PRH1: variants seen among roughly 807,000 people sequenced by gnomAD.
PRH1 encodes the protein salivary acidic proline-rich phosphoprotein 1/2.
In PRH1, 7 loss-of-function variants were observed where a neutral mutation model predicts 7.9. That is an observed-to-expected ratio of 0.89 (90% CI 0.50 to 1.67). The LOEUF (loss-of-function observed/expected upper bound fraction) is 1.67. PRH1 is among the 40% of genes most tolerant of loss of function. The pLI is 0.00. For synonymous variants in PRH1, 45 were observed against 80.8 expected (o/e 0.56, Z 2.38); for missense variants, 109 against 223.6 (o/e 0.49, Z 3.27).
intron 1 of PRH1, among the ~76,000 whole-genome samples, chr12:10,979,052 A>C (rs1186260355): frequency 6.6e-6 from 1 of 152,168 alleles, no homozygotes; most frequent in Non-Finnish European, 1.5e-5. Flanking sequence ...CTAAACATTA[A>C]ATACATATGG....
chr12:11,160,401 A>G (rs1947378380), intron 1 of PRH1, among the ~76,000 whole-genome samples: 2 of 152,228 alleles, frequency 1.3e-5, no homozygotes, highest in Non-Finnish European at 2.9e-5. Context: ...CAAATGCTTC[A>G]GTGAAGAATT....
intron 1 of PRH1, among the ~76,000 whole-genome samples, chr12:11,072,406 A>T (rs9697262): frequency 0.17 from 26,339 of 150,808 alleles, no homozygotes; most frequent in East Asian, 0.4. Flanking sequence ...GAAATGGACA[A>T]ACATGGCAGC....
chr12:10,930,575 G>C (rs1950191145), intron 2 of PRH1: 1 of 1,574,532 alleles, frequency 6.4e-7, no homozygotes. Flanking sequence ...GGGAGAGAGG[G>C]GCCGGCCGTG....
At chr12:11,016,786 CT>C (rs1422366864) in intron 1 of PRH1, among the ~76,000 whole-genome samples, 2 of 152,180 alleles carry the variant, frequency 1.3e-5, no homozygotes, top group East Asian at 3.9e-4. Context: ...CACTTTCTTC[CT>C]GACCTGTAGA....
chr12:10,884,064 T>A, intron 1 of PRH1, 90 bp downstream of exon 1: 1 of 1,509,502 alleles, frequency 6.6e-7, no homozygotes, highest in East Asian at 2.3e-5. Flanking sequence ...TGTTTTCTCA[T>A]CCTCCTCTCT....
intron 1 of PRH1, among the ~76,000 whole-genome samples, chr12:11,071,388 A>T (rs1944061406): frequency 6.6e-6 from 1 of 152,126 alleles, no homozygotes; most frequent in Non-Finnish European, 1.5e-5. Context: ...ATTATAAAAT[A>T]AAAAAAAGAC....
intron 2 of PRH1, among the ~76,000 whole-genome samples, chr12:10,902,533 G>A (rs2135811805): frequency 6.6e-6 from 1 of 152,186 alleles, no homozygotes; most frequent in East Asian, 1.9e-4. Flanking sequence ...CCTGACTGAT[G>A]CTATAGGAAA....
At chr12:11,016,107 T>C (rs1403244275) in intron 1 of PRH1, among the ~76,000 whole-genome samples, 1 of 152,224 alleles carries the variant, frequency 6.6e-6, no homozygotes, top group Non-Finnish European at 1.5e-5. Context: ...CAGAAGGGCA[T>C]ATTGAAAGCA....
intron 1 of PRH1, among the ~76,000 whole-genome samples, chr12:11,066,366 G>T (rs1315257623): frequency 6.6e-6 from 1 of 151,944 alleles, no homozygotes; most frequent in Non-Finnish European, 1.5e-5. Context: ...CTTCTTACTG[G>T]TTAGTTTTAG....
intron 2 of PRH1, among the ~76,000 whole-genome samples, chr12:10,951,186 C>G (rs116950552): frequency 0.02 from 3,012 of 152,206 alleles, 35 homozygotes; most frequent in South Asian, 0.032. Flanking sequence ...GAAGTAAAAG[C>G]TGATTTCTCA....
intron 1 of PRH1, among the ~76,000 whole-genome samples, chr12:11,164,220 T>C (rs925696206): frequency 1.3e-5 from 2 of 152,170 alleles, no homozygotes; most frequent in Non-Finnish European, 2.9e-5. Flanking sequence ...CCCTCACCAA[T>C]GTAGGTAGGC....
chr12:11,019,083 A>C (rs1396512763), intron 1 of PRH1, among the ~76,000 whole-genome samples: 2 of 152,300 alleles, frequency 1.3e-5, no homozygotes, highest in African/African-American at 4.8e-5. Flanking sequence ...AAGGGGTTGG[A>C]TAATGTAAGG....
chr12:11,091,115 C>CACACACACACATATATATATAT (rs751016037), intron 1 of PRH1, among the ~76,000 whole-genome samples: 2 of 25,104 alleles, frequency 8.0e-5, no homozygotes, highest in East Asian at 2.4e-3. Flanking sequence ...CACACACACA[C>CACACACACACATATATATATAT]ATATATATAT....
At chr12:10,941,494 A>T (rs1345670426) in intron 2 of PRH1, among the ~76,000 whole-genome samples, 1 of 151,964 alleles carries the variant, frequency 6.6e-6, no homozygotes, top group African/African-American at 2.4e-5. Flanking sequence ...TAACTTTTTT[A>T]TGCATCAAAA....
intron 1 of PRH1, chr12:11,031,472 T>C (rs1320858201): frequency 4.9e-6 from 5 of 1,018,512 alleles, no homozygotes. Flanking sequence ...CTCTTAAAGA[T>C]GGCATGGACC....
intron 1 of PRH1, chr12:10,997,393 G>C (rs1445291780): frequency 6.2e-7 from 1 of 1,614,082 alleles, no homozygotes; most frequent in Non-Finnish European, 8.5e-7. Flanking sequence ...TCCAAGTTAC[G>C]TTTCCTTCAC....
intron 1 of PRH1, chr12:11,030,781 T>A: frequency 6.2e-7 from 1 of 1,614,206 alleles, no homozygotes; most frequent in Non-Finnish European, 8.5e-7. Flanking sequence ...TGAAGGGCAC[T>A]AAGTTTCCTA....
At chr12:11,024,221 C>G (rs11054172) in intron 1 of PRH1, among the ~76,000 whole-genome samples, 59,287 of 147,732 alleles carry the variant, frequency 0.4, 9,977 homozygotes, top group Non-Finnish European at 0.46. Flanking sequence ...GACCATTTCT[C>G]CTAATTAATA....
intron 2 of PRH1, chr12:10,938,969 T>C (rs1950345000): frequency 6.2e-7 from 1 of 1,613,570 alleles, no homozygotes; most frequent in Non-Finnish European, 8.5e-7. Context: ...TCTGAACATT[T>C]TTTCAGTGGC....
Sources: gnomAD v4.1 joint callset for allele counts (sites outside exome capture counted in the v4.1 genomes callset) on GRCh38, gnomAD v4.1.1 for gene constraint, MANE v1.5 for transcripts, NCBI Gene and HGNC (gene_info 2026-07-23, HGNC 2026-07-21) for gene names.